The following NDUFC2 variants were observed in gnomAD, a reference collection of about 807,000 sequenced individuals.
The protein encoded by NDUFC2 is NADH:ubiquinone oxidoreductase subunit C2.
In NDUFC2, 2 loss-of-function variants were observed where a neutral mutation model predicts 10.1. The observed-to-expected ratio is 0.20, with a 90% CI of 0.08 to 0.62. The LOEUF (loss-of-function observed/expected upper bound fraction) is 0.62, where lower values mean the gene tolerates loss of function less well. NDUFC2 is among the 20% of genes least tolerant of loss of function. The pLI, the probability that NDUFC2 is intolerant of heterozygous loss-of-function variation, is 0.87. For synonymous variants in NDUFC2, 61 were observed against 63.6 expected (o/e 0.96, Z 0.20); for missense variants, 156 against 159.6 (o/e 0.98, Z 0.12).
At chr11:78,071,401 C>T (rs1859004470) in intron 2 of NDUFC2, among the ~76,000 whole-genome samples, 2 of 152,026 alleles carry the variant, frequency 1.3e-5, no homozygotes, top group African/African-American at 4.8e-5. Context: ...GGTCTATAGG[C>T]ATGTGCCACC....
intron 2 of NDUFC2, among the ~76,000 whole-genome samples, chr11:78,071,391 G>C (rs550430041): frequency 1.3e-5 from 2 of 151,546 alleles, no homozygotes; most frequent in Non-Finnish European, 2.9e-5. Context: ...CAAGTCAATG[G>C]GTCTATAGGC....
chr11:78,078,821 G>A (rs2136845791), intron 1 of NDUFC2, among the ~76,000 whole-genome samples: 1 of 144,130 alleles, frequency 6.9e-6, no homozygotes, highest in Admixed American at 7.4e-5. Context: ...TGCCTTCCAG[G>A]CTCAAACGAC....
chr11:78,074,017 G>A (rs926637255), intron 1 of NDUFC2, among the ~76,000 whole-genome samples: 1 of 150,490 alleles, frequency 6.6e-6, no homozygotes. Flanking sequence ...GACCAAAAGC[G>A]TGCACCACCA....
rs1375741419 is a variant in NDUFC2 at position 78,068,923 on chromosome 11, G to A, written c.*1064C>T. 2.0e-5 allele frequency: 3 copies of A among 151,886 alleles called. No individual in the cohort carries two copies. Among genetic ancestry groups the A allele is most frequent in the African/African-American group, 7.3e-5 (3 of 41,310 alleles). The allele number at this position is 151,886 out of a possible 1,614,324, so 9.4% of individuals were successfully genotyped here. A position where few individuals can be genotyped will look rare whatever the true frequency, so the allele number is the denominator to read the frequency against. ...TCTCCTTTGTCACCCAGGCTGGAGT[G>A]TCACCCAGGCTGCAGTGAACTGTGA... On this transcript the variant is annotated 3_prime_UTR_variant, in exon 3 of 3. Transcript: ENST00000281031.
intron 1 of NDUFC2, among the ~76,000 whole-genome samples, chr11:78,074,172 A>G (rs1322256665): frequency 1.3e-5 from 2 of 151,568 alleles, no homozygotes; most frequent in Non-Finnish European, 2.9e-5. Context: ...GAGCCACCAC[A>G]CTCGGCCCAC....
intron 2 of NDUFC2, among the ~76,000 whole-genome samples, chr11:78,072,184 A>AT (rs1859039404): frequency 8.5e-6 from 1 of 118,298 alleles, no homozygotes; most frequent in African/African-American, 3.2e-5. Context: ...TTTTAATTTT[A>AT]TTTTATTTTT....
In NDUFC2 at chr11:78,068,374, A is replaced by C. The variant is rs532861109; in HGVS notation, c.*1613T>G. On this transcript the variant is annotated 3_prime_UTR_variant, in exon 3 of 3. Coordinates refer to ENST00000281031, the MANE Select transcript of NDUFC2 (RefSeq NM_004549.6). Reference sequence around the variant, plus strand: ...GTATTTGTACATCTTTATTATTTCTAAAGCACTTTCCTCAACCTAATTTCA... The same window carrying C: ...GTATTTGTACATCTTTATTATTTCTCAAGCACTTTCCTCAACCTAATTTCA... 4 of 152,250 alleles carry C rather than the reference A, an allele frequency of 2.6e-5. No homozygotes were observed. Among genetic ancestry groups the C allele is most frequent in the African/African-American group, 9.6e-5 (4 of 41,474 alleles). The allele number at this position is 152,250 out of a possible 1,614,324, so 9.4% of individuals were successfully genotyped here.
chr11:78,070,458 A>G (rs1020934467), intron 2 of NDUFC2, among the ~76,000 whole-genome samples: 3 of 152,356 alleles, frequency 2.0e-5, no homozygotes, highest in African/African-American at 7.2e-5. Flanking sequence ...TTCTGCAATT[A>G]TACAGGTGGT....
At chr11:78,071,506 T>C (rs1859007365) in intron 2 of NDUFC2, among the ~76,000 whole-genome samples, 1 of 152,160 alleles carries the variant, frequency 6.6e-6, no homozygotes, top group Non-Finnish European at 1.5e-5. Context: ...GTTCAAATTT[T>C]TTCTATACTC....
intron 1 of NDUFC2, among the ~76,000 whole-genome samples, chr11:78,074,759 T>C (rs1033151871): frequency 6.6e-6 from 1 of 152,128 alleles, no homozygotes; most frequent in Non-Finnish European, 1.5e-5. Context: ...GACAGAGCAC[T>C]CTCTCTTACC....
chr11:78,078,758 C>CTTTTTT (rs1555061964), intron 1 of NDUFC2, among the ~76,000 whole-genome samples: 1 of 20,800 alleles, frequency 4.8e-5, no homozygotes, highest in Non-Finnish European at 9.3e-5. Context: ...CAGGGTCTCA[C>CTTTTTT]TTTGTTGCAC....
At chr11:78,072,880 C>G in intron 2 of NDUFC2, 118 bp downstream of exon 2, 1 of 1,401,412 alleles carries the variant, frequency 7.1e-7, no homozygotes, top group Non-Finnish European at 9.6e-7. Context: ...GGTCTATAGA[C>G]TAAGATGTGG....
At chr11:78,073,785 G>C (rs1392829457) in intron 1 of NDUFC2, among the ~76,000 whole-genome samples, 1 of 141,332 alleles carries the variant, frequency 7.1e-6, no homozygotes, top group Non-Finnish European at 1.5e-5. Flanking sequence ...CTGGGGGACG[G>C]AGTGAGGCTC....
rs114189381 is a variant in NDUFC2, at chr11:78,070,735, G to A, written c.311-699C>T. On this transcript the variant is annotated intron_variant, in intron 2 of 2. Transcript: ENST00000281031. The stretch of plus-strand genomic sequence containing the variant: ...AGGTGAAGGAAGAAATAAACACAGA[G>A]GGGCACAGGTCAGCTAGGAGAGGCC... 7.7e-3 allele frequency among the ~76,000 whole-genome samples: 1,174 copies of A among 152,312 alleles called. 15 individuals carry two copies. Among genetic ancestry groups the A allele is most frequent in the African/African-American group, 0.026 (1,099 of 41,552 alleles).
chr11:78,070,061 A>T (rs767704086), intron 2 of NDUFC2, 25 bp from the exon 3 acceptor site: 1 of 1,439,736 alleles, frequency 6.9e-7, no homozygotes, highest in East Asian at 2.3e-5. Context: ...ATCATAAAAG[A>T]TTTATTTTAA....
In NDUFC2 at chr11:78,079,815, C is replaced by T; in HGVS notation, c.-71G>A. 2 of 1,518,282 alleles carry T rather than the reference C, an allele frequency of 1.3e-6. No homozygotes were observed. Among genetic ancestry groups the T allele is most frequent in the Admixed American group, 2.5e-5 (1 of 40,020 alleles). 94.1% of individuals were successfully genotyped at this position (1,518,282 alleles called of 1,614,324 possible). ...CAAGGAAAACCACGACGACCACTAC[C>T]CCGGCCTAAGCGGTCAGCTTTCTCC... On this transcript the variant is annotated 5_prime_UTR_variant, in exon 1 of 3. Coordinates refer to ENST00000281031, the MANE Select transcript of NDUFC2 (RefSeq NM_004549.6).
intron 1 of NDUFC2, among the ~76,000 whole-genome samples, chr11:78,078,728 CTT>C (rs71046953): frequency 8.1e-5 from 5 of 61,610 alleles, no homozygotes; most frequent in African/African-American, 6.2e-5. Context: ...TCAGGATCCG[CTT>C]TTTTTTTTTT....
At chr11:78,075,670 A>G (rs548307295) in intron 1 of NDUFC2, among the ~76,000 whole-genome samples, 27 of 152,290 alleles carry the variant, frequency 1.8e-4, no homozygotes, top group African/African-American at 5.5e-4. Context: ...CTGCAGCCTC[A>G]ACCACCCAGG....
At chr11:78,076,077 C>T (rs1462401072) in intron 1 of NDUFC2, among the ~76,000 whole-genome samples, 1 of 152,038 alleles carries the variant, frequency 6.6e-6, no homozygotes, top group African/African-American at 2.4e-5. Flanking sequence ...GGTCTGTAAA[C>T]CTTTGGAGGA....
Sources: allele counts gnomAD v4.1 joint callset (sites outside exome capture counted in the v4.1 genomes callset), GRCh38; gene constraint gnomAD v4.1.1; transcripts MANE v1.5; gene names NCBI Gene and HGNC (gene_info 2026-07-23, HGNC 2026-07-21).